SLC31A1: variants seen among roughly 807,000 people sequenced by gnomAD.
SLC31A1 encodes the protein solute carrier family 31 member 1, also known as high affinity copper uptake protein 1.
Under a neutral mutation model 17.2 loss-of-function variants are expected in SLC31A1, and 5 were observed. The observed-to-expected ratio is 0.29, with a 90% CI of 0.15 to 0.61. The LOEUF (loss-of-function observed/expected upper bound fraction) is 0.61, where lower values mean the gene tolerates loss of function less well. Ranked by LOEUF, SLC31A1 falls within the 20% of genes least tolerant of loss-of-function variation. The pLI is 0.86. For missense variants in SLC31A1, 161 were observed against 241.4 expected (o/e 0.67, Z 2.21); for synonymous variants, 76 against 78.8 (o/e 0.96, Z 0.19).
At chr9:113,223,563 A>G (rs1487519289) in intron 1 of SLC31A1, among the ~76,000 whole-genome samples, 1 of 152,202 alleles carries the variant, frequency 6.6e-6, no homozygotes. Context: ...AGTTTAAAGT[A>G]AGCATTTTTG....
rs541190786 is a variant in SLC31A1 at position 113,221,590 on chromosome 9, A to T, written c.-124A>T. The stretch of plus-strand genomic sequence containing the variant: ...GTGGTGGACACGTCGAGCCGGGTAG[A>T]AGTGGAGGGGCCGTTCGAAGAGTCG... On this transcript the variant is annotated 5_prime_UTR_variant, in exon 1 of 5. Coordinates refer to ENST00000374212, the MANE Select transcript of SLC31A1 (RefSeq NM_001859.4). 7.1e-6 allele frequency: 3 copies of T among 420,140 alleles called. No individual in the cohort carries two copies. Among genetic ancestry groups the T allele is most frequent in the Non-Finnish European group, 1.3e-5 (3 of 222,250 alleles). The allele number at this position is 420,140 out of a possible 1,614,324, so 26.0% of individuals were successfully genotyped here.
At chr9:113,259,316 A>G (rs1831761794) in intron 4 of SLC31A1, among the ~76,000 whole-genome samples, 1 of 152,174 alleles carries the variant, frequency 6.6e-6, no homozygotes, top group African/African-American at 2.4e-5. Flanking sequence ...GGTTTTTCCC[A>G]TAGATTGGCA....
intron 1 of SLC31A1, among the ~76,000 whole-genome samples, chr9:113,254,245 C>T (rs10981705): frequency 0.079 from 11,951 of 152,044 alleles, 585 homozygotes; most frequent in South Asian, 0.14. Flanking sequence ...TGAGCCACCG[C>T]GCCTGGCCAA....
At chr9:113,242,870 A>C (rs537345324) in intron 1 of SLC31A1, among the ~76,000 whole-genome samples, 59 of 152,332 alleles carry the variant, frequency 3.9e-4, no homozygotes, top group African/African-American at 1.4e-3. Flanking sequence ...CAGCCAGTAT[A>C]ATCTCTTCCC....
chr9:113,241,347 A>C (rs541975433), intron 1 of SLC31A1, among the ~76,000 whole-genome samples: 9 of 152,218 alleles, frequency 5.9e-5, no homozygotes, highest in Admixed American at 1.3e-4. Context: ...TTTAGCTTGG[A>C]GTACCGGTTC....
chr9:113,246,492 T>C (rs1211689254), intron 1 of SLC31A1, among the ~76,000 whole-genome samples: 1 of 151,360 alleles, frequency 6.6e-6, no homozygotes, highest in Non-Finnish European at 1.5e-5. Flanking sequence ...GCTGGGACTA[T>C]AGGCGCGTGC....
chr9:113,263,455 T>C lies in SLC31A1; in HGVS notation c.*2982T>C, dbSNP rs1418580461. ...GCTTGACTTCTTTGTTCATTTTGGA[T>C]CTAAACTTCTCTTTTCTTCCTTCCC... On this transcript the variant is annotated 3_prime_UTR_variant, in exon 5 of 5. Coordinates refer to ENST00000374212, the MANE Select transcript of SLC31A1 (RefSeq NM_001859.4). The C allele has an allele frequency of 2.6e-5, 4 of 152,660 alleles. No homozygotes were observed. The highest frequency in any genetic ancestry group is 4.4e-5 in the Non-Finnish European group (3 of 68,040). The allele number at this position is 152,660 out of a possible 1,614,324, so 9.5% of individuals were successfully genotyped here. A position where few individuals can be genotyped will look rare whatever the true frequency, so the allele number is the denominator to read the frequency against.
At position 113,258,617 on chromosome 9, in the gene SLC31A1, T is replaced by C. The variant is rs185784721; in HGVS notation, c.203-77T>C. 4.6e-6 allele frequency: 7 copies of C among 1,513,418 alleles called. No individual in the cohort carries two copies. In the African/African-American group the frequency reaches 5.5e-5, roughly 12 times the overall value. 93.7% of individuals were successfully genotyped at this position (1,513,418 alleles called of 1,614,324 possible). ...GAGAGTAGCATTTTTTCTATGTGTC[T>C]TTCTAGCTGGACAGCACATTGGCTA... On this transcript the variant is annotated intron_variant, in intron 3 of 4. Transcript: ENST00000374212. The surrounding 1 kb of genome is among the most constrained non-coding windows in gnomAD (Gnocchi z 4.8).
Position 113,258,581 on chromosome 9 carries a change from C to A in SLC31A1, c.203-113C>A, listed in dbSNP as rs903014043. 7.8e-6 allele frequency: 9 copies of A among 1,157,364 alleles called. No individual in the cohort carries two copies. In the Admixed American group the frequency reaches 8.5e-5, roughly 11 times the overall value. The allele number at this position is 1,157,364 out of a possible 1,614,324, so 71.7% of individuals were successfully genotyped here. On this transcript the variant is annotated intron_variant, in intron 3 of 4. Transcript: ENST00000374212. The surrounding 1 kb of genome is among the most constrained non-coding windows in gnomAD (Gnocchi z 4.8). ...AAGAGAAGAGGTAAAAATATAATGT[C>A]TTCAAAAGCTGAGAGTAGCATTTTT... is the stretch of plus-strand genomic sequence containing the variant.
At chr9:113,230,327 T>C (rs143835090) in intron 1 of SLC31A1, among the ~76,000 whole-genome samples, 1 of 152,350 alleles carries the variant, frequency 6.6e-6, no homozygotes, top group East Asian at 1.9e-4. Context: ...TGGCTCAGGC[T>C]ATCCTCCTGC....
chr9:113,249,645 C>T (rs10759635), intron 1 of SLC31A1, among the ~76,000 whole-genome samples: 49,084 of 151,906 alleles, frequency 0.32, 8,064 homozygotes, highest in African/African-American at 0.35. Flanking sequence ...AGATTACAGG[C>T]GTGAGCCACC....
chr9:113,241,753 C>A (rs12686377), intron 1 of SLC31A1, among the ~76,000 whole-genome samples: 22,459 of 152,144 alleles, frequency 0.15, 1,951 homozygotes, highest in East Asian at 0.34. Context: ...CATTAAGCAT[C>A]TGCAGTTGAT....
intron 1 of SLC31A1, among the ~76,000 whole-genome samples, chr9:113,222,978 A>T (rs1831300739): frequency 6.6e-6 from 1 of 152,188 alleles, no homozygotes; most frequent in Non-Finnish European, 1.5e-5. Context: ...TTTAACATGG[A>T]ATGAATACTT....
chr9:113,235,573 C>T (rs1831448515), intron 1 of SLC31A1, among the ~76,000 whole-genome samples: 1 of 152,260 alleles, frequency 6.6e-6, no homozygotes, highest in Admixed American at 6.5e-5. Context: ...TTTCTGCTTC[C>T]ATTTATATAA....
intron 1 of SLC31A1, among the ~76,000 whole-genome samples, chr9:113,232,559 C>T (rs748702272): frequency 1.6e-4 from 24 of 151,730 alleles, no homozygotes; most frequent in Non-Finnish European, 2.5e-4. Context: ...TGGCCAGGCA[C>T]GGTGGCTTAC....
At chr9:113,259,552 CTCAAT>C (rs898530683) in intron 4 of SLC31A1, among the ~76,000 whole-genome samples, 3 of 151,294 alleles carry the variant, frequency 2.0e-5, no homozygotes, top group African/African-American at 7.3e-5. Context: ...CTACCCAACC[CTCAAT>C]TCTATTTTTT....
chr9:113,231,564 A>T (rs79123933), intron 1 of SLC31A1, among the ~76,000 whole-genome samples: 34 of 36,124 alleles, frequency 9.4e-4, no homozygotes, highest in African/African-American at 4.8e-3. Context: ...ATCTTGTCTC[A>T]AAAAAAAAAA....
chr9:113,252,248 C>G (rs1274895480), intron 1 of SLC31A1, among the ~76,000 whole-genome samples: 1 of 152,130 alleles, frequency 6.6e-6, no homozygotes, highest in Non-Finnish European at 1.5e-5. Flanking sequence ...TATAAAGGTT[C>G]ATCAAGGAAA....
At chr9:113,254,097 G>C (rs983645083) in intron 1 of SLC31A1, among the ~76,000 whole-genome samples, 1 of 151,514 alleles carries the variant, frequency 6.6e-6, no homozygotes, top group Admixed American at 6.6e-5. Flanking sequence ...TGGGATTACA[G>C]GTGCATGCCA....
Sources: gnomAD v4.1 joint callset for allele counts (sites outside exome capture counted in the v4.1 genomes callset) on GRCh38, gnomAD v4.1.1 for gene constraint, Gnocchi (gnomAD v3.1) non-coding constraint, MANE v1.5 for transcripts, NCBI Gene and HGNC (gene_info 2026-07-23, HGNC 2026-07-21) for gene names.